CCDC141: variants seen among roughly 807,000 people sequenced by gnomAD.
CCDC141 encodes coiled-coil domain-containing protein 141.
CCDC141 carries 168 observed loss-of-function variants against 181.0 expected under a neutral mutation model. The observed-to-expected ratio is 0.93, with a 90% CI of 0.82 to 1.05. The LOEUF (loss-of-function observed/expected upper bound fraction) is 1.05, where lower values mean the gene tolerates loss of function less well. Ranked by LOEUF, CCDC141 falls within the 50% of genes least tolerant of loss-of-function variation. The pLI, the probability that CCDC141 is intolerant of heterozygous loss-of-function variation, is 0.00. For missense variants in CCDC141, 1,902 were observed against 1,788.5 expected, an observed-to-expected ratio of 1.06 and a Z score of -1.14; for synonymous variants, 666 against 642.3, an observed-to-expected ratio of 1.04 and a Z score of -0.56.
chr2:178,932,713 A>G (rs1033054180), intron 6 of CCDC141, among the ~76,000 whole-genome samples: 7 of 152,150 alleles, frequency 4.6e-5, no homozygotes, highest in African/African-American at 1.7e-4. Flanking sequence ...ATACGGTGTG[A>G]TTTTAATTTT....
intron 2 of CCDC141, among the ~76,000 whole-genome samples, chr2:179,033,885 G>T (rs1405497822): frequency 1.3e-5 from 2 of 152,042 alleles, no homozygotes; most frequent in African/African-American, 4.8e-5. Context: ...ACCAACACTG[G>T]CTTAAACTTC....
chr2:179,022,523 T>C (rs1425669544), intron 2 of CCDC141, among the ~76,000 whole-genome samples: 1 of 152,202 alleles, frequency 6.6e-6, no homozygotes, highest in African/African-American at 2.4e-5. Flanking sequence ...ACGCCACTTA[T>C]TCCCACAACC....
chr2:178,990,584 T>TGGAGG (rs199693487), intron 2 of CCDC141, among the ~76,000 whole-genome samples: 1,072 of 28,522 alleles, frequency 0.038, 22 homozygotes, highest in African/African-American at 0.068. Flanking sequence ...GGGAGGGGAG[T>TGGAGG]GGAGGGGAGG....
chr2:178,927,399 G>A (rs1688946888), intron 6 of CCDC141, among the ~76,000 whole-genome samples: 1 of 152,100 alleles, frequency 6.6e-6, no homozygotes, highest in South Asian at 2.1e-4. Flanking sequence ...TATCTGAGAA[G>A]CCGTCTTATT....
chr2:178,818,668 C>T, the CCDC141 span, among the ~76,000 whole-genome samples: 1 of 152,154 alleles, frequency 6.6e-6, no homozygotes, highest in East Asian at 1.9e-4. Flanking sequence ...TTTCTTTATC[C>T]AGTCTATCAT....
chr2:178,982,345 A>C (rs1691455026), intron 2 of CCDC141, among the ~76,000 whole-genome samples: 1 of 152,206 alleles, frequency 6.6e-6, no homozygotes, highest in South Asian at 2.1e-4. Flanking sequence ...CAAGAATTCC[A>C]CTTATAAGAG....
intron 23 of CCDC141, chr2:178,836,079 C>G (rs544413452): frequency 6.6e-6 from 1 of 152,522 alleles, no homozygotes; most frequent in Non-Finnish European, 1.5e-5. Flanking sequence ...TAAGTATAAA[C>G]TGGCTTTTGC....
At chr2:179,039,030 ATCT>A (rs753320556) in intron 2 of CCDC141, among the ~76,000 whole-genome samples, 52 of 152,322 alleles carry the variant, frequency 3.4e-4, no homozygotes, top group Non-Finnish European at 5.7e-4. Context: ...CCACAGGCAG[ATCT>A]TCTTTACCTG....
At chr2:178,939,585 G>A (rs1410263894) in intron 6 of CCDC141, among the ~76,000 whole-genome samples, 1 of 152,252 alleles carries the variant, frequency 6.6e-6, no homozygotes, top group Non-Finnish European at 1.5e-5. Flanking sequence ...CAGATGGATA[G>A]TTGATATTAG....
intron 2 of CCDC141, among the ~76,000 whole-genome samples, chr2:179,009,186 C>G (rs112901938): frequency 0.015 from 2,310 of 152,242 alleles, 31 homozygotes; most frequent in South Asian, 0.039. Context: ...TCTTGATTTC[C>G]CCCTATACCC....
At chr2:178,844,400 ACAACAGAGAATTCTCTGGCCAAAATGT>A (rs1684849968) in intron 22 of CCDC141, among the ~76,000 whole-genome samples, 1 of 152,174 alleles carries the variant, frequency 6.6e-6, no homozygotes, top group Non-Finnish European at 1.5e-5. Context: ...ACAGCTCCCC[ACAACAGAGAATTCTCTGGCCAAAATGT>A]CAACAGTGCT....
intron 4 of CCDC141, among the ~76,000 whole-genome samples, chr2:178,970,626 G>T (rs1432300524): frequency 2.6e-5 from 4 of 152,084 alleles, no homozygotes; most frequent in Non-Finnish European, 5.9e-5. Context: ...AACTCAAGAT[G>T]AATCAAAGAC....
At chr2:178,821,418 C>T in the CCDC141 span, among the ~76,000 whole-genome samples, 6 of 151,940 alleles carry the variant, frequency 3.9e-5, no homozygotes, top group Non-Finnish European at 8.8e-5. Context: ...ATCATTTGGC[C>T]CCAAACACCA....
intron 8 of CCDC141, among the ~76,000 whole-genome samples, chr2:178,891,180 T>C (rs1687130985): frequency 6.6e-6 from 1 of 152,206 alleles, no homozygotes; most frequent in South Asian, 2.1e-4. Flanking sequence ...ATTGGTTTAG[T>C]TTGTACCATA....
At chr2:179,015,129 A>C (rs1416295858) in intron 2 of CCDC141, among the ~76,000 whole-genome samples, 6 of 103,260 alleles carry the variant, frequency 5.8e-5, no homozygotes, top group East Asian at 2.8e-4. Context: ...ATATATATAT[A>C]TCATATCATA....
At chr2:178,822,079 A>C in the CCDC141 span, among the ~76,000 whole-genome samples, 6 of 152,154 alleles carry the variant, frequency 3.9e-5, no homozygotes, top group East Asian at 1.9e-4. Context: ...ATGCAGCCAT[A>C]AAAAATGATG....
intron 4 of CCDC141, among the ~76,000 whole-genome samples, chr2:178,973,060 A>T (rs1034726481): frequency 2.6e-5 from 4 of 152,202 alleles, no homozygotes; most frequent in Admixed American, 2.6e-4. Context: ...GCACTTATAG[A>T]CATATTTTAT....
chr2:178,992,359 A>T lies in CCDC141; in HGVS notation c.226-13684T>A, dbSNP rs1384485554. 3.3e-3 allele frequency among the ~76,000 whole-genome samples: 357 copies of T among 108,032 alleles called. 2 individuals are homozygous for T. The highest frequency in any genetic ancestry group is 0.011 in the African/African-American group (297 of 27,668). The allele number at this position is 108,032 out of a possible 152,430, so 70.9% of individuals were successfully genotyped here. A position where few individuals can be genotyped will look rare whatever the true frequency, so the allele number is the denominator to read the frequency against. On this transcript the variant is annotated intron_variant, in intron 2 of 23. Transcript: ENST00000443758. ...ATAGACCTTTTTTTTTTTTTTTTTT[A>T]AATAGACCTATTCTTAAAGGAAAAA...
At chr2:178,860,543 C>CTTTT (rs71023458) in intron 17 of CCDC141, among the ~76,000 whole-genome samples, 1,829 of 51,354 alleles carry the variant, frequency 0.036, 432 homozygotes, top group Middle Eastern at 0.059. Context: ...AAAAACAACA[C>CTTTT]TTTTTTTTTT....
Sources: gnomAD v4.1 joint callset for allele counts (sites outside exome capture counted in the v4.1 genomes callset) on GRCh38, gnomAD v4.1.1 for gene constraint, MANE v1.5 for transcripts, NCBI Gene and HGNC (gene_info 2026-07-23, HGNC 2026-07-21) for gene names.